Variants in GLIS1 observed in about 807,000 individuals in gnomAD.
GLIS1 encodes the protein zinc finger protein GLIS1.
GLIS1 carries 24 observed loss-of-function variants against 63.8 expected under a neutral mutation model. The observed-to-expected ratio is 0.38, with a 90% CI of 0.27 to 0.53. GLIS1 has a LOEUF of 0.53. Ranked by LOEUF, GLIS1 falls within the 20% of genes least tolerant of loss-of-function variation. GLIS1 has a pLI of 0.85. For synonymous variants in GLIS1, 450 were observed against 482.5 expected, an observed-to-expected ratio of 0.93 and a Z score of 0.88; for missense variants, 1,036 against 1,074.1, an observed-to-expected ratio of 0.96 and a Z score of 0.50.
intron 2 of GLIS1, among the ~76,000 whole-genome samples, chr1:53,681,359 C>T (rs940802777): frequency 2.6e-5 from 4 of 152,236 alleles, no homozygotes; most frequent in Admixed American, 6.5e-5. Context: ...TTCAGGGCCT[C>T]ATCATCTGCT....
intron 2 of GLIS1, among the ~76,000 whole-genome samples, chr1:53,707,774 A>G (rs1646595803): frequency 6.6e-6 from 1 of 151,948 alleles, no homozygotes; most frequent in Non-Finnish European, 1.5e-5. Context: ...GCTGGTCTCA[A>G]ACTCTTGGGC....
At chr1:53,694,781 C>T (rs1017879151) in intron 2 of GLIS1, among the ~76,000 whole-genome samples, 6 of 152,182 alleles carry the variant, frequency 3.9e-5, no homozygotes, top group Non-Finnish European at 8.8e-5. Context: ...AGTAAATTAA[C>T]GCTGCCTCAA....
intron 2 of GLIS1, among the ~76,000 whole-genome samples, chr1:53,613,050 C>T (rs957144965): frequency 6.6e-6 from 1 of 152,120 alleles, no homozygotes; most frequent in Non-Finnish European, 1.5e-5. Context: ...AACTCCTGAC[C>T]TCAGGTGATC....
intron 4 of GLIS1, among the ~76,000 whole-genome samples, chr1:53,558,027 A>G (rs1211362776): frequency 6.6e-6 from 1 of 152,224 alleles, no homozygotes; most frequent in Non-Finnish European, 1.5e-5. Context: ...TAGATCGGGA[A>G]GCAGGCTCTG....
chr1:53,695,604 C>A (rs1646457163), intron 2 of GLIS1, among the ~76,000 whole-genome samples: 1 of 152,178 alleles, frequency 6.6e-6, no homozygotes, highest in East Asian at 1.9e-4. Context: ...TGGGCCTCTT[C>A]CCTCCACCCT....
At chr1:53,617,095 G>A (rs563306229) in intron 2 of GLIS1, among the ~76,000 whole-genome samples, 21 of 152,134 alleles carry the variant, frequency 1.4e-4, no homozygotes, top group Admixed American at 8.5e-4. Flanking sequence ...CAGCCTGCAC[G>A]CTCAGCCCGC....
chr1:53,694,955 C>T (rs948617802), intron 2 of GLIS1, among the ~76,000 whole-genome samples: 2 of 152,096 alleles, frequency 1.3e-5, no homozygotes, highest in Admixed American at 6.5e-5. Context: ...TCTAAATATA[C>T]GTAAATATAT....
chr1:53,512,914 G>A (rs1055621934), intron 8 of GLIS1, among the ~76,000 whole-genome samples: 5 of 152,098 alleles, frequency 3.3e-5, no homozygotes, highest in East Asian at 3.9e-4. Flanking sequence ...GGGGACCATC[G>A]TAGTAGAGCC....
intron 4 of GLIS1, among the ~76,000 whole-genome samples, chr1:53,559,558 GGC>G (rs1370216271): frequency 1.3e-5 from 2 of 152,158 alleles, no homozygotes; most frequent in Non-Finnish European, 2.9e-5. Flanking sequence ...GTCCAGCACT[GGC>G]TAGCCCCTCC....
chr1:53,506,848 G>T, intron 10 of GLIS1, 72 bp from the exon 11 acceptor site: 1 of 1,453,438 alleles, frequency 6.9e-7, no homozygotes, highest in South Asian at 1.2e-5. Context: ...CCCAGTTCCA[G>T]GCCCCACCCC....
chr1:53,704,535 A>C (rs1646556906), intron 2 of GLIS1, among the ~76,000 whole-genome samples: 1 of 151,440 alleles, frequency 6.6e-6, no homozygotes, highest in Non-Finnish European at 1.5e-5. Flanking sequence ...GCAGATGAAC[A>C]GTGGTGAGGA....
chr1:53,726,176 G>A (rs554875815), intron 2 of GLIS1, among the ~76,000 whole-genome samples: 1 of 152,280 alleles, frequency 6.6e-6, no homozygotes, highest in African/African-American at 2.4e-5. Flanking sequence ...TGTGATGAGT[G>A]GGTAACATTG....
chr1:53,677,164 C>G (rs1215571652), intron 2 of GLIS1, among the ~76,000 whole-genome samples: 1 of 152,202 alleles, frequency 6.6e-6, no homozygotes, highest in African/African-American at 2.4e-5. Flanking sequence ...ATGAGCTTCC[C>G]GAGGAGCTAG....
chr1:53,659,209 C>T (rs537789402), intron 2 of GLIS1, among the ~76,000 whole-genome samples: 12 of 152,276 alleles, frequency 7.9e-5, no homozygotes, highest in South Asian at 4.1e-4. Context: ...TCCAAAGCTC[C>T]AGTCAAGAGC....
intron 6 of GLIS1, 95 bp from the exon 7 acceptor site, chr1:53,520,861 C>T (rs1223910590): frequency 1.5e-6 from 2 of 1,372,362 alleles, no homozygotes; most frequent in African/African-American, 1.5e-5. Flanking sequence ...GGACTGCAGC[C>T]CCAGGGCAAG....
rs982751743 is a variant in GLIS1, at chr1:53,510,022, C to T, written c.1889G>A (p.Gly630Glu). The T allele has an allele frequency of 2.4e-5, 30 of 1,267,146 alleles. No individual in the cohort carries two copies. The highest frequency in any genetic ancestry group is 2.8e-5 in the Non-Finnish European group (28 of 998,486). 78.5% of individuals were successfully genotyped at this position (1,267,146 alleles called of 1,614,324 possible). Residue 630 changes from glycine (G) to glutamate (E), a missense_variant, in exon 9 of 11, where the codon GGG (glycine) becomes GAG (glutamate). This residue lies in a region of GLIS1 where 400 missense variants were observed against 400.9 expected (regional missense o/e 1.00). Coordinates refer to ENST00000628545, the MANE Select transcript of GLIS1 (RefSeq NM_001367484.1). ...PMAESTRDGL[G>E]PGLLSPIVSP... ...GACTATTGGTGAGAGGAGGCCGGGC[C>T]CCAACCTGGAGAGAACAGAGGTGCC...
intron 3 of GLIS1, among the ~76,000 whole-genome samples, chr1:53,599,094 G>A (rs925268202): frequency 6.6e-6 from 1 of 152,216 alleles, no homozygotes; most frequent in Admixed American, 6.5e-5. Flanking sequence ...TGGGTGAGGG[G>A]CCTGGGGCTG....
At chr1:53,582,938 C>A (rs886744007) in intron 4 of GLIS1, among the ~76,000 whole-genome samples, 1 of 152,212 alleles carries the variant, frequency 6.6e-6, no homozygotes, top group Non-Finnish European at 1.5e-5. Context: ...ACGGAAGTAT[C>A]TGAAGCACTC....
chr1:53,537,924 T>G (rs1644598485), intron 4 of GLIS1, among the ~76,000 whole-genome samples: 1 of 152,254 alleles, frequency 6.6e-6, no homozygotes, highest in Non-Finnish European at 1.5e-5. Context: ...GTACGAACTT[T>G]TAAGTTACTT....
Sources: gnomAD v4.1 joint callset for allele counts (sites outside exome capture counted in the v4.1 genomes callset) on GRCh38, gnomAD v4.1.1 for gene constraint, gnomAD v4.1.1 regional missense constraint, MANE v1.5 for transcripts, NCBI Gene and HGNC (gene_info 2026-07-23, HGNC 2026-07-21) for gene names.